USH2A: variants seen among roughly 807,000 people sequenced by gnomAD.
The protein encoded by USH2A is Usher syndrome 2A (autosomal recessive, mild).
A neutral mutation model predicts 538.9 loss-of-function variants in USH2A; 443 were observed. The observed-to-expected ratio is 0.82, with a 90% CI of 0.76 to 0.89. The LOEUF is 0.89. Ranked by LOEUF, USH2A falls within the 40% of genes least tolerant of loss-of-function variation. The probability of loss-of-function intolerance (pLI) is 0.00; values close to 1 mark genes in which losing one functional copy is unlikely to be tolerated. For synonymous variants in USH2A, 2,413 were observed against 2,273.5 expected (o/e 1.06, Z -1.75); for missense variants, 6,633 against 6,324.8 (o/e 1.05, Z -1.65).
intron 11 of USH2A, among the ~76,000 whole-genome samples, chr1:216,254,134 C>A (rs1250635345): frequency 1.8e-4 from 27 of 152,086 alleles, no homozygotes; most frequent in Admixed American, 1.8e-3. Context: ...CAAGTTTACT[C>A]CCATTTCATT....
intron 61 of USH2A, among the ~76,000 whole-genome samples, chr1:215,687,828 C>T (rs187721349): frequency 3.4e-4 from 51 of 152,192 alleles, no homozygotes; most frequent in African/African-American, 1.2e-3. Flanking sequence ...CTTGATTAAA[C>T]ACACATGTAT....
At chr1:216,201,821 C>T (rs557503823) in intron 16 of USH2A, 3 of 218,628 alleles carry the variant, frequency 1.4e-5, no homozygotes, top group South Asian at 9.7e-5. Context: ...TACCAGAGGT[C>T]GCCTGGTTTT....
In USH2A at chr1:215,727,733, AAT is replaced by A. The variant is rs557101010; in HGVS notation, c.12066+295_12066+296del. Among the ~76,000 whole-genome samples the A allele has an allele frequency of 9.9e-5, 15 of 152,226 alleles. No homozygotes were observed. The South Asian group carries it at 2.9e-3, about 29-fold the overall frequency. ...GAATGAGAGCCTGTCTCAAAAAAAAAATATTCCCACTTAGTAAATATGGAAAA... is the reference window on the plus strand; with the variant it reads ...GAATGAGAGCCTGTCTCAAAAAAAAAATTCCCACTTAGTAAATATGGAAAA... On this transcript the variant is annotated intron_variant, in intron 61 of 71. Coordinates refer to ENST00000307340, the MANE Select transcript of USH2A (RefSeq NM_206933.4).
intron 60 of USH2A, 47 bp downstream of exon 60, chr1:215,741,328 G>A: frequency 6.3e-7 from 1 of 1,588,162 alleles, no homozygotes; most frequent in South Asian, 1.1e-5. Context: ...TGTTGGAGCA[G>A]TACGCATTCT....
chr1:215,878,764 CT>C lies in USH2A; in HGVS notation c.8557del (p.Arg2853AspfsTer5). The C allele has an allele frequency of 6.2e-7, 1 of 1,613,784 alleles. No homozygotes were observed. The highest frequency in any genetic ancestry group is 1.1e-5 in the South Asian group (1 of 91,042). On this transcript the variant is annotated frameshift_variant and splice_region_variant, in exon 42 of 72. Coordinates refer to ENST00000307340, the MANE Select transcript of USH2A (RefSeq NM_206933.4). LOFTEE classifies it high-confidence loss of function. ...AAAAATCATAGTCACCTTCTCTTAC[CT>C]CAAATTAGGTCCATTTGGCTTGGAT... ...PPSKPNGPNL[R>X]YELLRRKIQQ... is the part of the protein sequence containing the mutation.
At chr1:216,135,076 A>G (rs1207880772) in intron 21 of USH2A, among the ~76,000 whole-genome samples, 1 of 151,034 alleles carries the variant, frequency 6.6e-6, no homozygotes, top group East Asian at 2.0e-4. Flanking sequence ...GTTGTACACC[A>G]CTGCTACAGT....
intron 30 of USH2A, among the ~76,000 whole-genome samples, chr1:216,069,871 T>G (rs1206260760): frequency 1.3e-5 from 2 of 152,172 alleles, no homozygotes; most frequent in African/African-American, 4.8e-5. Context: ...GGAGAGAATA[T>G]CTACCTTAGA....
chr1:216,032,026 A>G (rs1262768342), intron 32 of USH2A, among the ~76,000 whole-genome samples: 1 of 152,136 alleles, frequency 6.6e-6, no homozygotes, highest in Non-Finnish European at 1.5e-5. Context: ...GTTGGACAGC[A>G]TTCTATTTAG....
intron 38 of USH2A, among the ~76,000 whole-genome samples, chr1:215,911,729 A>C (rs868615220): frequency 3.3e-5 from 5 of 152,196 alleles, no homozygotes; most frequent in Middle Eastern, 6.8e-3. Flanking sequence ...ATGCCCAGCA[A>C]TGGGATTGCT....
At position 215,675,121 on chromosome 1, in the gene USH2A, C is replaced by T. The variant is rs200792578; in HGVS notation, c.12790G>A (p.Glu4264Lys). The T allele has an allele frequency of 7.7e-5, 124 of 1,614,064 alleles. 1 individual carries two copies. The East Asian group carries it at 2.5e-3, about 32-fold the overall frequency. ...GATATCACAGGTGGAGAGAGACCTT[C>T]TGGAGGTGCTTGCAATGTCCTCACC... ...NVVRTLQAPP[E>K]GLSPPVISYV... The change falls in exon 63 of 72, where the codon GAA becomes AAA. Residue 4264 changes from glutamate (E) to lysine (K), a missense_variant. By Grantham distance (56) the Glu-to-Lys change is moderately conservative. Coordinates refer to ENST00000307340, the MANE Select transcript of USH2A (RefSeq NM_206933.4).
intron 44 of USH2A, among the ~76,000 whole-genome samples, chr1:215,864,850 T>A (rs1558133788): frequency 6.6e-6 from 1 of 152,122 alleles, no homozygotes; most frequent in African/African-American, 2.4e-5. Flanking sequence ...CTTATACATA[T>A]CAATCTGTGA....
chr1:216,197,850 C>T (rs531083304), intron 18 of USH2A, among the ~76,000 whole-genome samples: 9 of 152,014 alleles, frequency 5.9e-5, no homozygotes, highest in Non-Finnish European at 8.8e-5. Flanking sequence ...TTGATGTCCA[C>T]GATTCTGTCA....
Position 215,797,114 on chromosome 1 carries a change from A to C in USH2A, c.9958+1793T>G, listed in dbSNP as rs574783226. 3.3e-5 allele frequency among the ~76,000 whole-genome samples: 5 copies of C among 152,292 alleles called. No individual in the cohort carries two copies. In the South Asian group the frequency reaches 1.0e-3, roughly 32 times the overall value. On this transcript the variant is annotated intron_variant, in intron 50 of 71. Transcript: ENST00000307340. ...TTTGAGTGGTCTGGATAGAAGATCA[A>C]ATCAGTCACAATAGTCCCTTAGGCC...
At chr1:216,046,362 G>C in intron 32 of USH2A, 69 bp downstream of exon 32, 1 of 1,587,354 alleles carries the variant, frequency 6.3e-7, no homozygotes, top group Non-Finnish European at 8.6e-7. Context: ...GATATCGAGA[G>C]CCAACTATAT....
chr1:215,767,380 T>A (rs913863093), intron 55 of USH2A, among the ~76,000 whole-genome samples: 1 of 152,292 alleles, frequency 6.6e-6, no homozygotes, highest in African/African-American at 2.4e-5. Flanking sequence ...GAAGGTTAGA[T>A]CCAACATTTT....
chr1:215,721,528 G>A (rs947546172), intron 61 of USH2A, among the ~76,000 whole-genome samples: 2 of 152,150 alleles, frequency 1.3e-5, no homozygotes, highest in South Asian at 2.1e-4. Context: ...CTGGGATAAA[G>A]TGGTTGGAGA....
intron 58 of USH2A, among the ~76,000 whole-genome samples, chr1:215,746,112 A>T (rs1660461986): frequency 6.6e-6 from 1 of 152,138 alleles, no homozygotes; most frequent in South Asian, 2.1e-4. Flanking sequence ...AAAAAAATTG[A>T]TTCCCAGCTG....
intron 46 of USH2A, 126 bp from the exon 47 acceptor site, chr1:215,838,229 T>C: frequency 1.3e-6 from 1 of 774,610 alleles, no homozygotes; most frequent in South Asian, 1.5e-5. Context: ...TCTTGAGGTT[T>C]AATCAATATT....
At position 216,423,329 on chromosome 1, in the gene USH2A, G is replaced by C. The variant is rs2039711394; in HGVS notation, c.-320C>G. 1 of 152,170 alleles carries C rather than the reference G, an allele frequency of 6.6e-6. No individual in the cohort carries two copies. The highest frequency in any genetic ancestry group is 1.5e-5 in the Non-Finnish European group (1 of 68,048). 9.4% of individuals were successfully genotyped at this position (152,170 alleles called of 1,614,324 possible). On this transcript the variant is annotated 5_prime_UTR_variant, in exon 1 of 72. Coordinates refer to ENST00000307340, the MANE Select transcript of USH2A (RefSeq NM_206933.4). The stretch of plus-strand genomic sequence containing the variant: ...GTAACCCCTGGTTACTCAGCAAATA[G>C]GCTGTAGCAGCAGGAATGCTGGAAG...
Sources: gnomAD v4.1 joint callset for allele counts (sites outside exome capture counted in the v4.1 genomes callset) on GRCh38, gnomAD v4.1.1 for gene constraint, MANE v1.5 for transcripts, NCBI Gene and HGNC (gene_info 2026-07-23, HGNC 2026-07-21) for gene names.